GTF3C2: variants seen among roughly 807,000 people sequenced by gnomAD.
The protein encoded by GTF3C2 is general transcription factor 3C polypeptide 2.
A neutral mutation model predicts 117.4 loss-of-function variants in GTF3C2; 17 were observed. The observed-to-expected ratio is 0.14, with a 90% confidence interval of 0.10 to 0.22. The LOEUF (loss-of-function observed/expected upper bound fraction) is 0.22. GTF3C2 is among the 10% of genes least tolerant of loss of function. The pLI is 1.00. For synonymous variants in GTF3C2, 437 were observed against 427.0 expected, an observed-to-expected ratio of 1.02 and a Z score of -0.29; for missense variants, 888 against 1,143.6, an observed-to-expected ratio of 0.78 and a Z score of 3.22.
chr2:27,336,230 G>A (rs1340195031), exon 8 of GTF3C2: 1 of 1,614,066 alleles, frequency 6.2e-7, no homozygotes. Flanking sequence ...CAAGGCCCCA[G>A]AGCTGGAGCA....
intron 10 of GTF3C2, 101 bp downstream of exon 10, chr2:27,335,497 T>C (rs1665723467): frequency 1.4e-6 from 1 of 736,670 alleles, no homozygotes; most frequent in Non-Finnish European, 2.5e-6. Context: ...GGCTTTGTGC[T>C]AAGAGAGACT....
At chr2:27,349,841 T>C (rs550725741) in intron 1 of GTF3C2, among the ~76,000 whole-genome samples, 69 of 152,082 alleles carry the variant, frequency 4.5e-4, no homozygotes, top group African/African-American at 1.5e-3. Flanking sequence ...GGTCTGGCTG[T>C]GTTGGCCAGG....
chr2:27,338,593 C>CA (rs1326189750), intron 4 of GTF3C2, among the ~76,000 whole-genome samples: 1 of 152,154 alleles, frequency 6.6e-6, no homozygotes, highest in African/African-American at 2.4e-5. Context: ...TGCAGTGGCG[C>CA]AATCTTGGCT....
intron 12 of GTF3C2, among the ~76,000 whole-genome samples, chr2:27,330,399 T>C (rs138905547): frequency 6.6e-5 from 10 of 150,466 alleles, no homozygotes; most frequent in Middle Eastern, 3.5e-3. Context: ...GAAGCAGAGG[T>C]TGCAGTAAGC....
In GTF3C2 at chr2:27,337,978, G is replaced by C. The variant is rs1680558249; in HGVS notation, c.898C>G (p.Pro300Ala). 4 of 1,612,600 alleles carry C rather than the reference G, an allele frequency of 2.5e-6. No individual in the cohort carries two copies. The East Asian group carries it at 8.9e-5, about 36-fold the overall frequency. Reference sequence around the variant, plus strand: ...CAAACAGGAGCCATGATATGATTTGGTAAGCCATTGGGAGCCATTCCTCGG... The same window carrying C: ...CAAACAGGAGCCATGATATGATTTGCTAAGCCATTGGGAGCCATTCCTCGG... Residue 300 changes from proline to alanine, a missense_variant, in exon 5 of 19, where the codon CCA becomes GCA. This residue lies in a region of GTF3C2 where 393 missense variants were observed against 401.5 expected (regional missense o/e 0.98). Coordinates refer to ENST00000264720, the Ensembl canonical transcript of GTF3C2.
At chr2:27,344,487 C>G (rs1367092105) in intron 1 of GTF3C2, among the ~76,000 whole-genome samples, 1 of 152,086 alleles carries the variant, frequency 6.6e-6, no homozygotes, top group African/African-American at 2.4e-5. Flanking sequence ...ATAAAACACA[C>G]ACACACAGAC....
chr2:27,327,917 C>A, intron 17 of GTF3C2, 120 bp downstream of exon 17: 1 of 752,356 alleles, frequency 1.3e-6, no homozygotes, highest in Non-Finnish European at 2.1e-6. Flanking sequence ...TGAGCCACTG[C>A]ACCTGGCCGA....
intron 1 of GTF3C2, among the ~76,000 whole-genome samples, chr2:27,347,939 G>C (rs887562350): frequency 6.6e-6 from 1 of 152,044 alleles, no homozygotes; most frequent in African/African-American, 2.4e-5. Flanking sequence ...TTTGAGACCA[G>C]CCTGGGCAAC....
intron 12 of GTF3C2, among the ~76,000 whole-genome samples, chr2:27,331,511 G>C (rs1222196158): frequency 6.6e-6 from 1 of 151,948 alleles, no homozygotes; most frequent in East Asian, 2.0e-4. Flanking sequence ...TTTTTTAGTA[G>C]AGACAGGGTT....
At chr2:27,330,703 G>A (rs1338352031) in intron 12 of GTF3C2, among the ~76,000 whole-genome samples, 5 of 152,160 alleles carry the variant, frequency 3.3e-5, no homozygotes, top group Non-Finnish European at 1.5e-5. Flanking sequence ...GCTCATGCCT[G>A]TAATCTCAGC....
chr2:27,355,796 G>A (rs1328105826), intron 1 of GTF3C2, among the ~76,000 whole-genome samples: 1 of 152,086 alleles, frequency 6.6e-6, no homozygotes, highest in Non-Finnish European at 1.5e-5. Context: ...AGTGTTCCTA[G>A]GGTACAACTG....
In GTF3C2 at chr2:27,337,359, G is replaced by C. The variant is rs1188643114; in HGVS notation, c.1029-17C>G. 5.1e-6 allele frequency: 8 copies of C among 1,564,272 alleles called. No individual in the cohort carries two copies. The highest frequency in any genetic ancestry group is 7.0e-6 in the Non-Finnish European group (8 of 1,134,980). ...GCGGCCTCACTGGGGGAAGACAAAG[G>C]GAACAGTCTAAATTTGGAAGTGTTT... On this transcript the variant is annotated splice_polypyrimidine_tract_variant and intron_variant, in intron 6 of 18. Coordinates refer to ENST00000264720, the Ensembl canonical transcript of GTF3C2.
intron 3 of GTF3C2, 85 bp from the exon 4 acceptor site, chr2:27,342,318 G>A: frequency 9.1e-7 from 1 of 1,096,686 alleles, no homozygotes; most frequent in Non-Finnish European, 1.3e-6. Flanking sequence ...TATCTCAATG[G>A]AGCCTCCCAA....
At chr2:27,345,277 A>C (rs143920827) in intron 1 of GTF3C2, among the ~76,000 whole-genome samples, 182 of 151,940 alleles carry the variant, frequency 1.2e-3, no homozygotes, top group African/African-American at 4.0e-3. Context: ...CAAGTAAATA[A>C]ATAAATGAAT....
At chr2:27,352,086 T>C (rs4665969) in intron 1 of GTF3C2, among the ~76,000 whole-genome samples, 58,948 of 151,970 alleles carry the variant, frequency 0.39, 11,801 homozygotes, top group Admixed American at 0.44. Context: ...CAAGCCACTA[T>C]CCCTTGATCT....
chr2:27,328,788 G>T, intron 15 of GTF3C2, 56 bp downstream of exon 15: 2 of 1,265,572 alleles, frequency 1.6e-6, no homozygotes, highest in Non-Finnish European at 2.3e-6. Context: ...TACTAATAGT[G>T]CATAAATGAG....
At chr2:27,341,090 C>A (rs978038829) in intron 4 of GTF3C2, among the ~76,000 whole-genome samples, 1 of 152,126 alleles carries the variant, frequency 6.6e-6, no homozygotes, top group African/African-American at 2.4e-5. Context: ...GGCTGGAGTG[C>A]AGTGGCATGA....
At position 27,329,074 on chromosome 2, in the gene GTF3C2, A is replaced by C; in HGVS notation, c.2039+47T>G. ...AACAATCTGGCATGCTTTGCATTCC[A>C]ACCCTTAGGGCCTGTCCCTAGAGGT... On this transcript the variant is annotated intron_variant, in intron 14 of 18. Coordinates refer to ENST00000264720, the Ensembl canonical transcript of GTF3C2. The surrounding 1 kb of genome is among the most constrained non-coding windows in gnomAD (Gnocchi z 4.5). 1 of 1,603,150 alleles carries C rather than the reference A, an allele frequency of 6.2e-7. No homozygotes were observed. The highest frequency in any genetic ancestry group is 8.5e-7 in the Non-Finnish European group (1 of 1,170,552).
intron 1 of GTF3C2, chr2:27,350,623 G>A: frequency 2.0e-6 from 1 of 494,392 alleles, no homozygotes; most frequent in Non-Finnish European, 2.6e-6. Flanking sequence ...AACACAGCAA[G>A]ACTTTGTCTC....
Sources: gnomAD v4.1 joint callset for allele counts (sites outside exome capture counted in the v4.1 genomes callset) on GRCh38, gnomAD v4.1.1 for gene constraint, gnomAD v4.1.1 regional missense constraint, Gnocchi (gnomAD v3.1) non-coding constraint, MANE v1.5 for transcripts, NCBI Gene and HGNC (gene_info 2026-07-23, HGNC 2026-07-21) for gene names.